Variants in CNTNAP5 observed in about 807,000 individuals in gnomAD.
The protein encoded by CNTNAP5 is contactin-associated protein-like 5.
A neutral mutation model predicts 150.2 loss-of-function variants in CNTNAP5; 72 were observed. The ratio of observed to expected loss-of-function variants is 0.48; its 90% CI spans 0.40 to 0.58. CNTNAP5 has a LOEUF of 0.58. Among genes scored for constraint, CNTNAP5 ranks in the 20% least tolerant of loss-of-function variants. The pLI is 0.00. For missense variants in CNTNAP5, 1,636 were observed against 1,626.2 expected (o/e 1.01, Z -0.10); for synonymous variants, 672 against 619.8 (o/e 1.08, Z -1.25).
At chr2:124,888,254 C>T (rs914266775) in intron 21 of CNTNAP5, among the ~76,000 whole-genome samples, 2 of 152,042 alleles carry the variant, frequency 1.3e-5, no homozygotes, top group African/African-American at 4.8e-5. Flanking sequence ...CAGCTGTATC[C>T]ATGTTGCTGC....
chr2:124,379,494 C>T (rs59047534), intron 3 of CNTNAP5, among the ~76,000 whole-genome samples: 68,053 of 151,894 alleles, frequency 0.45, 15,735 homozygotes, highest in African/African-American at 0.51. Flanking sequence ...ATAGCTTATT[C>T]CTTTTAAGTG....
chr2:124,606,503 T>G (rs1697109064), intron 11 of CNTNAP5, among the ~76,000 whole-genome samples: 1 of 152,164 alleles, frequency 6.6e-6, no homozygotes, highest in Non-Finnish European at 1.5e-5. Flanking sequence ...ATACCAAGGC[T>G]TGTGGTTTAT....
chr2:124,101,824 T>C (rs896107351), intron 1 of CNTNAP5, among the ~76,000 whole-genome samples: 1 of 152,190 alleles, frequency 6.6e-6, no homozygotes, highest in Admixed American at 6.5e-5. Context: ...TAAATGGCCA[T>C]TCCACATTGA....
chr2:124,237,364 T>C (rs1052000029), intron 2 of CNTNAP5, among the ~76,000 whole-genome samples: 1 of 152,200 alleles, frequency 6.6e-6, no homozygotes, highest in Non-Finnish European at 1.5e-5. Flanking sequence ...TGGAAATAAG[T>C]GTAGAAACTG....
chr2:124,077,951 T>G (rs1489731499), intron 1 of CNTNAP5, among the ~76,000 whole-genome samples: 1 of 152,152 alleles, frequency 6.6e-6, no homozygotes, highest in East Asian at 1.9e-4. Context: ...CTTCACAAAA[T>G]CCACTGCAGA....
chr2:124,842,387 T>A (rs139278525), intron 19 of CNTNAP5, among the ~76,000 whole-genome samples: 27 of 152,288 alleles, frequency 1.8e-4, no homozygotes, highest in African/African-American at 5.8e-4. Flanking sequence ...ATTTTGCTTG[T>A]ATATATGAAC....
intron 10 of CNTNAP5, among the ~76,000 whole-genome samples, chr2:124,530,219 A>G (rs535097164): frequency 6.6e-6 from 1 of 152,348 alleles, no homozygotes; most frequent in South Asian, 2.1e-4. Flanking sequence ...CTGAGACAGA[A>G]GAATCCCTTG....
chr2:124,768,117 T>C (rs746458122), intron 16 of CNTNAP5, among the ~76,000 whole-genome samples: 3 of 152,188 alleles, frequency 2.0e-5, no homozygotes, highest in Non-Finnish European at 4.4e-5. Flanking sequence ...GAACTCAGTA[T>C]TATTAGAAAG....
chr2:124,742,649 CACAT>C (rs58383739), intron 13 of CNTNAP5, among the ~76,000 whole-genome samples: 18,673 of 150,836 alleles, frequency 0.12, 1,180 homozygotes, highest in Non-Finnish European at 0.15. Flanking sequence ...CACACACACA[CACAT>C]ATATATATAT....
rs116080776 is a variant in CNTNAP5, at chr2:124,067,655, C to T, written c.82+41923C>T. Among the ~76,000 whole-genome samples the T allele has an allele frequency of 3.1e-3, 469 of 152,226 alleles. 7 individuals are homozygous for T. The highest frequency in any genetic ancestry group is 0.011 in the African/African-American group (451 of 41,548). On this transcript the variant is annotated intron_variant, in intron 1 of 23. Transcript: ENST00000682447. Reference sequence around the variant, plus strand: ...TTTTTTTGAAGGTTGGGGGACATGGCATTTTCTGCCAATAAGTAAGATACA... The same window carrying T: ...TTTTTTTGAAGGTTGGGGGACATGGTATTTTCTGCCAATAAGTAAGATACA...
intron 19 of CNTNAP5, among the ~76,000 whole-genome samples, chr2:124,842,300 G>A (rs1682960836): frequency 6.6e-6 from 1 of 152,164 alleles, no homozygotes; most frequent in South Asian, 2.1e-4. Context: ...CTCCCATGGA[G>A]TTTTGTGGAG....
chr2:124,719,687 A>ATATCCCCATTTTTT (rs1420875282), intron 13 of CNTNAP5, among the ~76,000 whole-genome samples: 4 of 152,164 alleles, frequency 2.6e-5, no homozygotes, highest in African/African-American at 7.2e-5. Context: ...CACTTAAACT[A>ATATCCCCATTTTTT]TATCCCCATT....
At chr2:124,651,229 T>C (rs1166197254) in intron 13 of CNTNAP5, among the ~76,000 whole-genome samples, 4 of 152,306 alleles carry the variant, frequency 2.6e-5, no homozygotes, top group African/African-American at 9.6e-5. Flanking sequence ...GTAGCCAGGG[T>C]GAGTAGACGT....
At chr2:124,761,547 G>A (rs1043036727) in intron 14 of CNTNAP5, among the ~76,000 whole-genome samples, 5 of 152,100 alleles carry the variant, frequency 3.3e-5, no homozygotes, top group African/African-American at 1.2e-4. Flanking sequence ...TGTTGCTAGT[G>A]AGTACTACAG....
At chr2:124,122,468 C>T (rs931454246) in intron 1 of CNTNAP5, among the ~76,000 whole-genome samples, 1 of 152,148 alleles carries the variant, frequency 6.6e-6, no homozygotes, top group South Asian at 2.1e-4. Flanking sequence ...TAAGATAAAT[C>T]CAGGCCCAAG....
intron 8 of CNTNAP5, among the ~76,000 whole-genome samples, chr2:124,510,285 C>CTATATATATATATCTATATA: frequency 1.4e-5 from 1 of 73,288 alleles, no homozygotes; most frequent in South Asian, 3.6e-4. Flanking sequence ...ATATCTATAT[C>CTATATATATATATCTATATA]TATATATCTA....
At chr2:124,723,335 T>C (rs1321841591) in intron 13 of CNTNAP5, among the ~76,000 whole-genome samples, 1 of 152,180 alleles carries the variant, frequency 6.6e-6, no homozygotes, top group Non-Finnish European at 1.5e-5. Flanking sequence ...ATCATGTTCC[T>C]TCAATTTCCA....
intron 1 of CNTNAP5, among the ~76,000 whole-genome samples, chr2:124,167,707 T>C (rs566545092): frequency 1.3e-5 from 2 of 152,302 alleles, no homozygotes; most frequent in East Asian, 1.9e-4. Flanking sequence ...TGCAGGGTCA[T>C]AGCTACTCTG....
At chr2:124,732,622 T>C (rs550637682) in intron 13 of CNTNAP5, among the ~76,000 whole-genome samples, 1 of 152,252 alleles carries the variant, frequency 6.6e-6, no homozygotes, top group African/African-American at 2.4e-5. Context: ...AAGACATCAA[T>C]TTCTGTTGTT....
Sources: gnomAD v4.1 joint callset for allele counts (sites outside exome capture counted in the v4.1 genomes callset) on GRCh38, gnomAD v4.1.1 for gene constraint, MANE v1.5 for transcripts, NCBI Gene and HGNC (gene_info 2026-07-23, HGNC 2026-07-21) for gene names.